Variants in DOP1A observed in about 807,000 individuals in gnomAD.
The protein encoded by DOP1A is protein DOP1A.
Under a neutral mutation model 267.6 loss-of-function variants are expected in DOP1A, and 90 were observed. That is an observed-to-expected ratio of 0.34 (90% CI 0.28 to 0.40). The LOEUF (loss-of-function observed/expected upper bound fraction) is 0.40. DOP1A is among the 10% of genes least tolerant of loss of function. The pLI is 1.00. For missense variants in DOP1A, 2,437 were observed against 2,900.4 expected, an observed-to-expected ratio of 0.84 and a Z score of 3.67; for synonymous variants, 932 against 999.1, an observed-to-expected ratio of 0.93 and a Z score of 1.27.
chr6:83,129,630 C>T, intron 16 of DOP1A, 122 bp downstream of exon 16: 1 of 982,534 alleles, frequency 1.0e-6, no homozygotes, highest in Non-Finnish European at 1.4e-6. Flanking sequence ...TTTTAATTTG[C>T]AAGTTTTTTT....
chr6:83,132,979 G>A lies in DOP1A; in HGVS notation c.2769+651G>A, dbSNP rs539834046. Among the ~76,000 whole-genome samples, 72 of 152,174 alleles carry A rather than the reference G, an allele frequency of 4.7e-4. No individual in the cohort carries two copies. In the South Asian group the frequency reaches 8.9e-3, roughly 19 times the overall value. ...AGATTTTATTGAAGAGCTTTTAGAA[G>A]TAGATTGTCCTATTTTTAAAAAACT... is the stretch of plus-strand genomic sequence containing the variant. On this transcript the variant is annotated intron_variant, in intron 18 of 38. Transcript: ENST00000349129.
rs112895546 is a variant in DOP1A at position 83,090,581 on chromosome 6, G to T, written c.-146-6150G>T. Among the ~76,000 whole-genome samples, 879 of 152,204 alleles carry T rather than the reference G, an allele frequency of 5.8e-3. 3 individuals carry two copies. The highest frequency in any genetic ancestry group is 7.4e-3 in the Non-Finnish European group (500 of 68,006). On this transcript the variant is annotated intron_variant, in intron 1 of 38. Transcript: ENST00000349129. ...ATTCACAAACTTTGTTAAGAGACATGGTGAAATAAGCACAGAGATAAAAGT... is the reference window on the plus strand; with the variant it reads ...ATTCACAAACTTTGTTAAGAGACATTGTGAAATAAGCACAGAGATAAAAGT...
intron 7 of DOP1A, among the ~76,000 whole-genome samples, chr6:83,117,211 T>G (rs941717050): frequency 7.9e-5 from 12 of 151,656 alleles, no homozygotes; most frequent in Admixed American, 4.6e-4. Context: ...AGTGCAGTGG[T>G]GCTATCTTAG....
At chr6:83,134,049 A>C in intron 18 of DOP1A, 138 bp from the exon 19 acceptor site, 4 of 537,786 alleles carry the variant, frequency 7.4e-6, no homozygotes, top group Admixed American at 3.7e-5. Context: ...AATATAAATA[A>C]AGTTTATTGC....
intron 9 of DOP1A, among the ~76,000 whole-genome samples, chr6:83,120,178 T>C (rs921180111): frequency 6.6e-6 from 1 of 152,024 alleles, no homozygotes; most frequent in Non-Finnish European, 1.5e-5. Flanking sequence ...TGCTATTTCC[T>C]GTGAAGCTCT....
intron 1 of DOP1A, among the ~76,000 whole-genome samples, chr6:83,083,668 G>C (rs1768552038): frequency 6.6e-6 from 1 of 152,178 alleles, no homozygotes; most frequent in Admixed American, 6.5e-5. Flanking sequence ...TATCAACTGT[G>C]ATTATTATCA....
chr6:83,148,951 G>A (rs1378684691), intron 27 of DOP1A, 88 bp downstream of exon 27: 4 of 729,980 alleles, frequency 5.5e-6, no homozygotes, highest in Non-Finnish European at 8.3e-6. Context: ...TATTTTAGGT[G>A]ACAGTGATCT....
chr6:83,077,893 T>C (rs932047745), intron 1 of DOP1A, among the ~76,000 whole-genome samples: 3 of 152,212 alleles, frequency 2.0e-5, no homozygotes, highest in Non-Finnish European at 2.9e-5. Context: ...ATAAATCTCT[T>C]AATGTTTTAA....
intron 19 of DOP1A, among the ~76,000 whole-genome samples, chr6:83,134,766 C>T (rs1778619782): frequency 6.6e-6 from 1 of 152,088 alleles, no homozygotes. Flanking sequence ...GTCTGGACTA[C>T]GTAGGTGACT....
At chr6:83,168,833 T>C, downstream of DOP1A, 1 of 1,028,468 alleles carries the variant, frequency 9.7e-7, no homozygotes, top group Non-Finnish European at 1.2e-6. Flanking sequence ...GCCCTCTCCA[T>C]TTGTATCAGC....
chr6:83,132,995 T>C (rs1203077740), intron 18 of DOP1A, among the ~76,000 whole-genome samples: 2 of 152,084 alleles, frequency 1.3e-5, no homozygotes, highest in Non-Finnish European at 2.9e-5. Flanking sequence ...TGTCCTATTT[T>C]TAAAAAACTC....
chr6:83,132,034 A>C, intron 17 of DOP1A, 142 bp from the exon 18 acceptor site: 1 of 889,826 alleles, frequency 1.1e-6, no homozygotes, highest in Non-Finnish European at 1.7e-6. Context: ...AGACTGCCTT[A>C]GTAACCTCAT....
rs371293637 is a variant in DOP1A, at chr6:83,068,824, C to T, written c.-147+1045C>T. Among the ~76,000 whole-genome samples, 70 of 152,342 alleles carry T rather than the reference C, an allele frequency of 4.6e-4. No homozygotes were observed. In the South Asian group the frequency reaches 4.8e-3, roughly 10 times the overall value. ...GACTGAAGTTATGAGTAAATTAAAA[C>T]CACGAGTAGTCTAAATGCTTTATTT... On this transcript the variant is annotated intron_variant, in intron 1 of 38. Coordinates refer to ENST00000349129, the MANE Select transcript of DOP1A (RefSeq NM_015018.4).
Position 83,138,097 on chromosome 6 carries a change from C to A in DOP1A, c.4055C>A (p.Pro1352Gln). ...ISEIESDMGS[P>Q]GSRKSPNFNI... ...GAAATTGAGAGTGACATGGGTTCTC[C>A]AGGATCTCGAAAATCTCCCAATTTC... The change falls in exon 21 of 39, where the codon CCA becomes CAA. Residue 1352 changes from proline (P) to glutamine (Q), a missense_variant. Coordinates refer to ENST00000349129, the MANE Select transcript of DOP1A (RefSeq NM_015018.4). 6.2e-7 allele frequency: 1 copy of A among 1,613,770 alleles called. No homozygotes were observed. The highest frequency in any genetic ancestry group is 1.1e-5 in the South Asian group (1 of 91,050).
At chr6:83,112,428 G>T (rs534639784) in intron 6 of DOP1A, among the ~76,000 whole-genome samples, 12 of 152,014 alleles carry the variant, frequency 7.9e-5, no homozygotes, top group Non-Finnish European at 1.8e-4. Flanking sequence ...ATGTAAAACT[G>T]GTGGGAATAT....
intron 20 of DOP1A, among the ~76,000 whole-genome samples, chr6:83,136,377 T>C (rs1778860275): frequency 6.6e-6 from 1 of 152,170 alleles, no homozygotes; most frequent in Non-Finnish European, 1.5e-5. Context: ...ACAAAGTCCA[T>C]ACTTTATAGT....
intron 1 of DOP1A, among the ~76,000 whole-genome samples, chr6:83,092,310 A>G (rs946972007): frequency 2.6e-5 from 4 of 152,200 alleles, no homozygotes; most frequent in Non-Finnish European, 4.4e-5. Flanking sequence ...ATTGTAAGTT[A>G]TGTGTTGTCC....
At chr6:83,126,978 A>AG (rs1004201485) in intron 15 of DOP1A, among the ~76,000 whole-genome samples, 1 of 152,116 alleles carries the variant, frequency 6.6e-6, no homozygotes, top group Non-Finnish European at 1.5e-5. Flanking sequence ...ATGAAATCAT[A>AG]GGGAGTAGAA....
At chr6:83,132,425 A>G (rs1583049388) in intron 18 of DOP1A, 97 bp downstream of exon 18, 2 of 1,316,740 alleles carry the variant, frequency 1.5e-6, no homozygotes, top group East Asian at 2.4e-5. Flanking sequence ...AATTATTGCA[A>G]TTAACATCGG....
Sources: allele counts gnomAD v4.1 joint callset (sites outside exome capture counted in the v4.1 genomes callset), GRCh38; gene constraint gnomAD v4.1.1; transcripts MANE v1.5; gene names NCBI Gene and HGNC (gene_info 2026-07-23, HGNC 2026-07-21).